The following APBA1 variants were observed in gnomAD, a reference collection of about 807,000 sequenced individuals.
The protein encoded by APBA1 is amyloid beta precursor protein binding family A member 1.
APBA1 carries 55 observed loss-of-function variants against 86.6 expected under a neutral mutation model. The observed-to-expected ratio is 0.64, with a 90% CI of 0.51 to 0.80. The LOEUF (loss-of-function observed/expected upper bound fraction) is 0.80, where lower values mean the gene tolerates loss of function less well. APBA1 is among the 30% of genes least tolerant of loss of function. The probability of loss-of-function intolerance (pLI) is 0.00; values close to 1 mark genes in which losing one functional copy is unlikely to be tolerated. For synonymous variants in APBA1, 511 were observed against 493.9 expected (o/e 1.03, Z -0.46); for missense variants, 1,090 against 1,183.0 (o/e 0.92, Z 1.15).
chr9:69,500,400 A>G (rs1318423167), intron 2 of APBA1, among the ~76,000 whole-genome samples: 2 of 152,106 alleles, frequency 1.3e-5, no homozygotes, highest in Non-Finnish European at 2.9e-5. Context: ...CTTCCCTGGG[A>G]CATAAACCTG....
chr9:69,435,365 G>A (rs1395371639), intron 11 of APBA1, among the ~76,000 whole-genome samples: 4 of 152,006 alleles, frequency 2.6e-5, no homozygotes, highest in African/African-American at 7.3e-5. Context: ...CTGAGGAATC[G>A]CCACACTGAC....
chr9:69,609,184 A>G (rs1822532050), intron 1 of APBA1, among the ~76,000 whole-genome samples: 1 of 152,206 alleles, frequency 6.6e-6, no homozygotes, highest in South Asian at 2.1e-4. Flanking sequence ...AAATAAAAGA[A>G]TCATAAGATT....
chr9:69,520,101 T>C (rs982144596), intron 1 of APBA1, among the ~76,000 whole-genome samples: 3 of 152,142 alleles, frequency 2.0e-5, no homozygotes, highest in African/African-American at 7.2e-5. Context: ...ATGATTTGGG[T>C]TGTGGTATTG....
chr9:69,530,319 T>TACAC (rs1439668114), intron 1 of APBA1, among the ~76,000 whole-genome samples: 108 of 140,694 alleles, frequency 7.7e-4, no homozygotes, highest in African/African-American at 2.6e-3. Context: ...TATATATATA[T>TACAC]ATATATATAT....
At chr9:69,521,720 A>G (rs1326308196) in intron 1 of APBA1, among the ~76,000 whole-genome samples, 1 of 152,186 alleles carries the variant, frequency 6.6e-6, no homozygotes, top group Non-Finnish European at 1.5e-5. Flanking sequence ...AGGTCTGAAT[A>G]ATCAAGAAAG....
chr9:69,542,354 C>G (rs1836626471), intron 1 of APBA1, among the ~76,000 whole-genome samples: 2 of 152,182 alleles, frequency 1.3e-5, no homozygotes, highest in South Asian at 4.1e-4. Context: ...TGACATGTAT[C>G]CACCATTATT....
intron 1 of APBA1, among the ~76,000 whole-genome samples, chr9:69,555,577 A>G (rs2133932863): frequency 6.6e-6 from 1 of 152,358 alleles, no homozygotes; most frequent in Admixed American, 6.5e-5. Flanking sequence ...CTATACTGGC[A>G]TACTTGGTAG....
rs953219402 is a variant in APBA1, at chr9:69,516,110, C to T, written c.1101G>A (p.Ser367=). 1.2e-6 allele frequency: 2 copies of T among 1,613,668 alleles called. No homozygotes were observed. Among genetic ancestry groups the T allele is most frequent in the African/African-American group, 1.3e-5 (1 of 75,014 alleles). ...IEEVKTRTIR[S]PYTPDEPKEP... The stretch of plus-strand genomic sequence containing the variant: ...CTTTGGGCTCGTCGGGGGTGTAAGG[C>T]GAACGGATGGTCCTGGTTTTCACCT... Residue 367 remains serine (S), a synonymous_variant, in exon 2 of 13, where the codon TCG becomes TCA. Coordinates refer to ENST00000265381, the MANE Select transcript of APBA1 (RefSeq NM_001163.4). This position sits in a 1 kb window ranked among gnomAD's most constrained non-coding sequence, Gnocchi z 7.3.
intron 5 of APBA1, chr9:69,460,719 T>A (rs1335486576): frequency 6.6e-6 from 1 of 151,598 alleles, no homozygotes; most frequent in African/African-American, 2.4e-5. Context: ...CTGAGTTTCA[T>A]GAAAGGTATT....
chr9:69,551,704 C>T (rs181115974), intron 1 of APBA1, among the ~76,000 whole-genome samples: 2 of 152,140 alleles, frequency 1.3e-5, no homozygotes, highest in African/African-American at 2.4e-5. Flanking sequence ...ATTGCTGGAA[C>T]GAAAATCCTA....
intron 1 of APBA1, among the ~76,000 whole-genome samples, chr9:69,641,403 A>G (rs567109404): frequency 6.6e-6 from 1 of 152,324 alleles, no homozygotes; most frequent in East Asian, 1.9e-4. Flanking sequence ...TGACAAGTAG[A>G]TTATAAAAGT....
At chr9:69,495,888 C>T (rs1234461604) in intron 2 of APBA1, among the ~76,000 whole-genome samples, 2 of 152,064 alleles carry the variant, frequency 1.3e-5, no homozygotes, top group African/African-American at 4.8e-5. Context: ...GGGGCCGCAC[C>T]TCTAGGCACG....
rs921824180 is a variant in APBA1 at position 69,464,173 on chromosome 9, C to T, written c.1482+3650G>A. 3.3e-5 allele frequency: 5 copies of T among 152,256 alleles called. 1 individual carries two copies. Among genetic ancestry groups the T allele is most frequent in the Admixed American group, 3.3e-4 (5 of 15,282 alleles). 9.4% of individuals were successfully genotyped at this position (152,256 alleles called of 1,614,324 possible). On this transcript the variant is annotated intron_variant, in intron 5 of 12. Coordinates refer to ENST00000265381, the MANE Select transcript of APBA1 (RefSeq NM_001163.4). ...TGAAGTCCGTGTACGCTCCCTGACA[C>T]AGTCACTTTTTGGAGAGTGCTGACT...
chr9:69,614,426 T>C (rs894805618), intron 1 of APBA1, among the ~76,000 whole-genome samples: 1 of 152,208 alleles, frequency 6.6e-6, no homozygotes, highest in Non-Finnish European at 1.5e-5. Context: ...ATTACATTTA[T>C]GGGTATGTTA....
chr9:69,552,430 T>C (rs183348536), intron 1 of APBA1, among the ~76,000 whole-genome samples: 6 of 152,332 alleles, frequency 3.9e-5, no homozygotes. Context: ...TGAGTTCAAA[T>C]GCACACTCAC....
chr9:69,488,397 C>A (rs568163173), intron 2 of APBA1, among the ~76,000 whole-genome samples: 5 of 151,960 alleles, frequency 3.3e-5, no homozygotes, highest in African/African-American at 1.2e-4. Flanking sequence ...TCTAAGAATT[C>A]GTGTACAGTT....
rs777477684 is a variant in APBA1 at position 69,429,275 on chromosome 9, G to C, written c.*2052C>G. The stretch of plus-strand genomic sequence containing the variant: ...GCTGATGACTCTTTAGTGTCTCACT[G>C]TATCACCAGATACTCTACAGCAAAT... On this transcript the variant is annotated 3_prime_UTR_variant, in exon 13 of 13. Transcript: ENST00000265381. The C allele has an allele frequency of 5.3e-5, 8 of 152,234 alleles. No individual in the cohort carries two copies. Among genetic ancestry groups the C allele is most frequent in the Non-Finnish European group, 1.0e-4 (7 of 68,038 alleles). The allele number at this position is 152,234 out of a possible 1,614,324, so 9.4% of individuals were successfully genotyped here.
At chr9:69,481,231 T>C (rs1835502178) in intron 2 of APBA1, among the ~76,000 whole-genome samples, 1 of 152,052 alleles carries the variant, frequency 6.6e-6, no homozygotes, top group South Asian at 2.1e-4. Flanking sequence ...AACCCCACTG[T>C]CTCAGCCCAA....
chr9:69,623,114 C>T (rs1182179234), intron 1 of APBA1, among the ~76,000 whole-genome samples: 1 of 152,096 alleles, frequency 6.6e-6, no homozygotes, highest in African/African-American at 2.4e-5. Flanking sequence ...TGGAAAACAG[C>T]AAGTTTAAGA....
Sources: allele counts gnomAD v4.1 joint callset (sites outside exome capture counted in the v4.1 genomes callset), GRCh38; gene constraint gnomAD v4.1.1; non-coding constraint Gnocchi (gnomAD v3.1); transcripts MANE v1.5; gene names NCBI Gene and HGNC (gene_info 2026-07-23, HGNC 2026-07-21).